The following AGBL4 variants were observed in gnomAD, a reference collection of about 807,000 sequenced individuals.
AGBL4 encodes the protein AGBL carboxypeptidase 4.
AGBL4 carries 58 observed loss-of-function variants against 66.4 expected under a neutral mutation model. The ratio of observed to expected loss-of-function variants is 0.87; its 90% CI spans 0.71 to 1.09. AGBL4 has a LOEUF of 1.09. AGBL4 is among the 50% of genes least tolerant of loss of function. The pLI, the probability that AGBL4 is intolerant of heterozygous loss-of-function variation, is 0.00. For missense variants in AGBL4, 579 were observed against 631.0 expected (o/e 0.92, Z 0.88); for synonymous variants, 234 against 222.9 (o/e 1.05, Z -0.44).
intron 3 of AGBL4, among the ~76,000 whole-genome samples, chr1:49,616,272 A>G (rs1374031805): frequency 4.6e-5 from 7 of 152,090 alleles, no homozygotes; most frequent in Non-Finnish European, 1.0e-4. Flanking sequence ...CTAAACCTAT[A>G]ATCAATCCAC....
At chr1:48,984,449 C>G (rs535937077) in intron 5 of AGBL4, among the ~76,000 whole-genome samples, 1 of 149,970 alleles carries the variant, frequency 6.7e-6, no homozygotes, top group Non-Finnish European at 1.5e-5. Context: ...TATGTTTTAT[C>G]TTTCTTTAAA....
intron 6 of AGBL4, among the ~76,000 whole-genome samples, chr1:48,864,585 A>G (rs1647810335): frequency 6.6e-6 from 1 of 152,228 alleles, no homozygotes; most frequent in South Asian, 2.1e-4. Flanking sequence ...AGCAATTAAA[A>G]TAAATGAAGC....
intron 3 of AGBL4, among the ~76,000 whole-genome samples, chr1:49,261,279 A>G (rs977121716): frequency 6.6e-6 from 1 of 152,002 alleles, no homozygotes; most frequent in African/African-American, 2.4e-5. Context: ...CACCACTCCT[A>G]TTCAACATAG....
At chr1:48,721,593 A>G (rs1172531019) in intron 6 of AGBL4, among the ~76,000 whole-genome samples, 2 of 152,256 alleles carry the variant, frequency 1.3e-5, no homozygotes, top group Admixed American at 6.5e-5. Context: ...CTCACAGAAC[A>G]ATCAGTGTGG....
rs548390961 is a variant in AGBL4, at chr1:49,900,337, C to T, written c.35-48819G>A. ...CTCGGCTCACCACAAACTCTGCCTC[C>T]CAGGTTCAAGCGATTCTCCTGCCTC... On this transcript the variant is annotated intron_variant, in intron 1 of 13. Coordinates refer to ENST00000371839, the MANE Select transcript of AGBL4 (RefSeq NM_032785.4). 2.6e-5 allele frequency among the ~76,000 whole-genome samples: 4 copies of T among 152,020 alleles called. No homozygotes were observed. In the South Asian group the frequency reaches 8.3e-4, roughly 32 times the overall value.
chr1:49,822,321 G>GT (rs1407955520), intron 2 of AGBL4, among the ~76,000 whole-genome samples: 1 of 151,754 alleles, frequency 6.6e-6, no homozygotes, highest in Non-Finnish European at 1.5e-5. Flanking sequence ...GTGTGTGTGT[G>GT]TGTGTGTGTG....
chr1:49,701,675 C>T (rs1258803312), intron 2 of AGBL4, among the ~76,000 whole-genome samples: 4 of 151,900 alleles, frequency 2.6e-5, no homozygotes. Context: ...GAAAACATTA[C>T]TGAAAGCCAA....
At chr1:49,407,390 G>T (rs527732935) in intron 3 of AGBL4, among the ~76,000 whole-genome samples, 1 of 152,324 alleles carries the variant, frequency 6.6e-6, no homozygotes, top group South Asian at 2.1e-4. Context: ...CTTCAAACTG[G>T]AACTGAGCTA....
intron 3 of AGBL4, among the ~76,000 whole-genome samples, chr1:49,437,811 T>C (rs1438566927): frequency 2.7e-5 from 4 of 147,760 alleles, no homozygotes; most frequent in African/African-American, 1.1e-4. Context: ...AAATGGTATT[T>C]GTAGACATGT....
intron 2 of AGBL4, among the ~76,000 whole-genome samples, chr1:49,751,962 CTCTTT>C (rs1206036546): frequency 4.3e-4 from 65 of 149,996 alleles, no homozygotes; most frequent in Non-Finnish European, 1.3e-4. Flanking sequence ...TGATTCTTCT[CTCTTT>C]TCTTTTTTTT....
intron 7 of AGBL4, among the ~76,000 whole-genome samples, chr1:48,658,457 C>G (rs1194038377): frequency 1.3e-5 from 2 of 152,196 alleles, no homozygotes; most frequent in Non-Finnish European, 2.9e-5. Flanking sequence ...CCTTCCTTGA[C>G]CTGGCACCAG....
chr1:48,884,739 G>A (rs1462681595), intron 5 of AGBL4, among the ~76,000 whole-genome samples: 1 of 152,054 alleles, frequency 6.6e-6, no homozygotes, highest in African/African-American at 2.4e-5. Context: ...TACCACATTG[G>A]ATCCTCCTTG....
intron 3 of AGBL4, among the ~76,000 whole-genome samples, chr1:49,302,598 T>A (rs1344266093): frequency 1.2e-4 from 15 of 128,476 alleles, no homozygotes; most frequent in Non-Finnish European, 1.6e-4. Context: ...ATTTTATATT[T>A]TATTTTATTT....
rs373841208 is a variant in AGBL4 at position 49,042,632 on chromosome 1, G to A, written c.594+2952C>T. 2.0e-5 allele frequency among the ~76,000 whole-genome samples: 3 copies of A among 152,096 alleles called. No homozygotes were observed. In the East Asian group the frequency reaches 5.8e-4, roughly 29 times the overall value. ...TCCATATTGAATCATGAGGTTGAGG[G>A]CCACATCCCAAGGATGACAGAGAAG... On this transcript the variant is annotated intron_variant, in intron 5 of 13. Coordinates refer to ENST00000371839, the MANE Select transcript of AGBL4 (RefSeq NM_032785.4).
At chr1:48,698,011 G>A (rs1448173698) in intron 6 of AGBL4, among the ~76,000 whole-genome samples, 2 of 152,218 alleles carry the variant, frequency 1.3e-5, no homozygotes, top group Non-Finnish European at 2.9e-5. Context: ...AATGACTACT[G>A]TCACGGAATG....
chr1:48,849,486 G>A (rs1271320173), intron 6 of AGBL4, among the ~76,000 whole-genome samples: 1 of 152,106 alleles, frequency 6.6e-6, no homozygotes, highest in Non-Finnish European at 1.5e-5. Flanking sequence ...TTATCTCATT[G>A]TGGACAGTTT....
intron 6 of AGBL4, among the ~76,000 whole-genome samples, chr1:48,846,393 G>GAAAC (rs1385463551): frequency 6.7e-6 from 1 of 150,296 alleles, no homozygotes; most frequent in Non-Finnish European, 1.5e-5. Flanking sequence ...AAGAAAGAAA[G>GAAAC]AAAGAAAGAA....
intron 3 of AGBL4, among the ~76,000 whole-genome samples, chr1:49,592,074 A>G (rs1644761940): frequency 6.6e-6 from 1 of 152,182 alleles, no homozygotes; most frequent in Non-Finnish European, 1.5e-5. Flanking sequence ...CAACAAAAAC[A>G]AAAATTGACA....
chr1:48,855,859 A>G (rs1647137459), intron 6 of AGBL4, among the ~76,000 whole-genome samples: 1 of 152,158 alleles, frequency 6.6e-6, no homozygotes, highest in Non-Finnish European at 1.5e-5. Context: ...CATCCCTAGT[A>G]ATCTATTTTA....
Sources: gnomAD v4.1 joint callset for allele counts (sites outside exome capture counted in the v4.1 genomes callset) on GRCh38, gnomAD v4.1.1 for gene constraint, MANE v1.5 for transcripts, NCBI Gene and HGNC (gene_info 2026-07-23, HGNC 2026-07-21) for gene names.